Variants in ADAMTS6 observed in about 807,000 individuals in gnomAD.
The protein encoded by ADAMTS6 is ADAM metallopeptidase with thrombospondin type 1 motif 6.
Under a neutral mutation model 144.3 loss-of-function variants are expected in ADAMTS6, and 23 were observed. The observed-to-expected ratio is 0.16, with a 90% CI of 0.11 to 0.23. The LOEUF is 0.23. Ranked by LOEUF, ADAMTS6 falls within the 10% of genes least tolerant of loss-of-function variation. The pLI is 1.00. For synonymous variants in ADAMTS6, 444 were observed against 457.5 expected (o/e 0.97, Z 0.38); for missense variants, 999 against 1,379.6 (o/e 0.72, Z 4.37).
At chr5:65,162,580 C>G (rs1380017093) in intron 24 of ADAMTS6, among the ~76,000 whole-genome samples, 1 of 150,904 alleles carries the variant, frequency 6.6e-6, no homozygotes, top group African/African-American at 2.4e-5. Flanking sequence ...ATTAATAATA[C>G]CAACTCTTAG....
intron 15 of ADAMTS6, among the ~76,000 whole-genome samples, chr5:65,228,115 T>C (rs1042897391): frequency 2.0e-5 from 3 of 152,200 alleles, no homozygotes; most frequent in African/African-American, 7.2e-5. Context: ...TATATGATTC[T>C]CATGAATTAA....
chr5:65,283,639 G>A (rs1763153594), intron 11 of ADAMTS6, among the ~76,000 whole-genome samples: 1 of 151,978 alleles, frequency 6.6e-6, no homozygotes, highest in South Asian at 2.1e-4. Context: ...AGAATATTGA[G>A]GTGCTAAAAT....
At chr5:65,337,137 G>A (rs1213524043) in intron 7 of ADAMTS6, among the ~76,000 whole-genome samples, 2 of 151,980 alleles carry the variant, frequency 1.3e-5, no homozygotes, top group Admixed American at 6.5e-5. Flanking sequence ...AAACATTAAA[G>A]TTTCTATTGA....
intron 22 of ADAMTS6, among the ~76,000 whole-genome samples, chr5:65,175,261 GGA>G (rs372773284): frequency 3.8e-4 from 57 of 148,304 alleles, no homozygotes; most frequent in African/African-American, 1.1e-3. Flanking sequence ...AGGGAGTCAA[GGA>G]GAGAGAGAGA....
intron 14 of ADAMTS6, among the ~76,000 whole-genome samples, chr5:65,247,572 T>C (rs1394957939): frequency 6.6e-6 from 1 of 152,112 alleles, no homozygotes; most frequent in East Asian, 1.9e-4. Flanking sequence ...CACATCAAAA[T>C]GTCTTGAAAA....
chr5:65,204,629 C>A (rs560967948), intron 20 of ADAMTS6, among the ~76,000 whole-genome samples: 1 of 152,058 alleles, frequency 6.6e-6, no homozygotes, highest in South Asian at 2.1e-4. Flanking sequence ...TTGTCTAGTC[C>A]GATAAATATA....
intron 11 of ADAMTS6, among the ~76,000 whole-genome samples, chr5:65,279,100 C>T (rs947237213): frequency 6.6e-5 from 10 of 152,100 alleles, no homozygotes; most frequent in East Asian, 3.9e-4. Flanking sequence ...CATGCCACCA[C>T]GCTCAGCTAG....
intron 11 of ADAMTS6, among the ~76,000 whole-genome samples, chr5:65,281,643 G>A (rs1367367097): frequency 1.3e-5 from 2 of 151,836 alleles, no homozygotes; most frequent in African/African-American, 2.4e-5. Flanking sequence ...CAGATTTTTG[G>A]TTTACATGAG....
intron 22 of ADAMTS6, among the ~76,000 whole-genome samples, chr5:65,177,661 T>C (rs1443405873): frequency 1.3e-5 from 2 of 152,266 alleles, no homozygotes; most frequent in Non-Finnish European, 2.9e-5. Context: ...ACATTCATTT[T>C]ACTCGAGGAT....
At chr5:65,161,188 C>A (rs1208801991) in intron 24 of ADAMTS6, among the ~76,000 whole-genome samples, 5 of 152,058 alleles carry the variant, frequency 3.3e-5, no homozygotes, top group African/African-American at 1.2e-4. Context: ...CAGATGCGTG[C>A]CACCATACCC....
At chr5:65,404,151 G>A (rs1754204364) in intron 7 of ADAMTS6, among the ~76,000 whole-genome samples, 1 of 148,290 alleles carries the variant, frequency 6.7e-6, no homozygotes, top group Non-Finnish European at 1.5e-5. Flanking sequence ...AATTCACTTA[G>A]TTTTTTTTTT....
At chr5:65,404,931 C>T (rs1754307934) in intron 7 of ADAMTS6, among the ~76,000 whole-genome samples, 1 of 152,222 alleles carries the variant, frequency 6.6e-6, no homozygotes, top group African/African-American at 2.4e-5. Flanking sequence ...CTGTTGGCTG[C>T]ATAAATGTCT....
intron 24 of ADAMTS6, among the ~76,000 whole-genome samples, chr5:65,160,013 T>A (rs1262992138): frequency 2.6e-5 from 4 of 152,226 alleles, no homozygotes; most frequent in African/African-American, 9.6e-5. Context: ...AACTTCTAAT[T>A]TTTTTCATAA....
In ADAMTS6 at chr5:65,283,215, TG is replaced by T. The variant is rs149312037; in HGVS notation, c.1512+8113del. The stretch of plus-strand genomic sequence containing the variant: ...CAAAGGAAAATTGAAAACCAACATA[TG>T]GTGACCTTATGGCCTAGTTTCAGGT... On this transcript the variant is annotated intron_variant, in intron 11 of 24. Coordinates refer to ENST00000381055, the MANE Select transcript of ADAMTS6 (RefSeq NM_197941.4). Among the ~76,000 whole-genome samples, 326 of 152,236 alleles carry T rather than the reference TG, an allele frequency of 2.1e-3. 1 individual carries two copies. Among genetic ancestry groups the T allele is most frequent in the African/African-American group, 7.7e-3 (318 of 41,544 alleles).
At position 65,210,064 on chromosome 5, in the gene ADAMTS6, T is replaced by C. The variant is rs573609559; in HGVS notation, c.2575+4730A>G. 12 of 221,208 alleles carry C rather than the reference T, an allele frequency of 5.4e-5. No homozygotes were observed. In the East Asian group the frequency reaches 1.2e-3, roughly 22 times the overall value. 13.7% of individuals were successfully genotyped at this position (221,208 alleles called of 1,614,324 possible). The stretch of plus-strand genomic sequence containing the variant: ...CATACGCACATGAACTGCCAAAATA[T>C]GGTGTGAAGATTGGCCTGACAAATG... On this transcript the variant is annotated intron_variant, in intron 20 of 24. Transcript: ENST00000381055.
At chr5:65,209,633 C>T (rs1318490881) in intron 20 of ADAMTS6, among the ~76,000 whole-genome samples, 2 of 152,142 alleles carry the variant, frequency 1.3e-5, no homozygotes, top group African/African-American at 4.8e-5. Flanking sequence ...TAAGAGAAAG[C>T]TATCATTATT....
chr5:65,215,557 T>G (rs1756855229), intron 18 of ADAMTS6, 70 bp from the exon 19 acceptor site: 2 of 1,354,772 alleles, frequency 1.5e-6, no homozygotes, highest in Non-Finnish European at 2.0e-6. Flanking sequence ...GATTAATTAC[T>G]GCAATAAAGT....
intron 7 of ADAMTS6, among the ~76,000 whole-genome samples, chr5:65,398,820 GAAAGAAAGAA>G (rs1041327614): frequency 2.2e-5 from 3 of 134,094 alleles, no homozygotes; most frequent in African/African-American, 7.0e-5. Context: ...AAGAAAGAAA[GAAAGAAAGAA>G]AGAAAGAAAG....
At chr5:65,168,029 G>A (rs1753307969) in intron 24 of ADAMTS6, among the ~76,000 whole-genome samples, 1 of 149,050 alleles carries the variant, frequency 6.7e-6, no homozygotes, top group African/African-American at 2.5e-5. Flanking sequence ...GGAAGTTCTG[G>A]CCAGGGCAAT....
Sources: allele counts gnomAD v4.1 joint callset (sites outside exome capture counted in the v4.1 genomes callset), GRCh38; gene constraint gnomAD v4.1.1; transcripts MANE v1.5; gene names NCBI Gene and HGNC (gene_info 2026-07-23, HGNC 2026-07-21).